HERPUD2: variants seen among roughly 807,000 people sequenced by gnomAD.
HERPUD2 encodes HERPUD family member 2.
HERPUD2 carries 13 observed loss-of-function variants against 49.9 expected under a neutral mutation model. That is an observed-to-expected ratio of 0.26 (90% CI 0.17 to 0.41). The LOEUF (loss-of-function observed/expected upper bound fraction) is 0.41. Ranked by LOEUF, HERPUD2 falls within the 10% of genes least tolerant of loss-of-function variation. HERPUD2 has a pLI of 1.00. For synonymous variants in HERPUD2, 172 were observed against 171.4 expected, an observed-to-expected ratio of 1.00 and a Z score of -0.03; for missense variants, 449 against 492.2, an observed-to-expected ratio of 0.91 and a Z score of 0.83.
intron 6 of HERPUD2, 126 bp downstream of exon 6, chr7:35,638,224 T>C (rs1784902375): frequency 4.6e-6 from 4 of 867,886 alleles, no homozygotes. Flanking sequence ...GAACCCTTTT[T>C]CCTTTAGTCA....
chr7:35,693,538 G>A (rs1033178452), intron 2 of HERPUD2, among the ~76,000 whole-genome samples: 2 of 151,986 alleles, frequency 1.3e-5, no homozygotes, highest in Admixed American at 6.6e-5. Flanking sequence ...GCTCTGATAC[G>A]GGTTGTAGTG....
intron 1 of HERPUD2, 21 bp from the exon 2 acceptor site, chr7:35,694,648 A>T: frequency 1.8e-5 from 6 of 329,434 alleles, no homozygotes; most frequent in East Asian, 6.0e-5. Flanking sequence ...GAAGGGTGGG[A>T]GGGATGAGGG....
chr7:35,635,211 G>A lies in HERPUD2; in HGVS notation c.865C>T (p.Leu289Phe). 6.2e-7 allele frequency: 1 copy of A among 1,614,144 alleles called. No individual in the cohort carries two copies. Among genetic ancestry groups the A allele is most frequent in the Non-Finnish European group, 8.5e-7 (1 of 1,180,000 alleles). ...GAATAGAAGTATACAATGCTAAGGA[G>A]AATCGCAGCTCGTGAGAACGTGTAC... Reference protein sequence around the residue: ...WMYTFSRAAILLSIVYFYSSF... With the variant: ...WMYTFSRAAIFLSIVYFYSSF... Residue 289 changes from leucine (L) to phenylalanine (F), a missense_variant, in exon 7 of 9, where the codon CTC becomes TTC. Leu to Phe is a conservative substitution (Grantham distance 22, BLOSUM62 0). Coordinates refer to ENST00000311350, the MANE Select transcript of HERPUD2 (RefSeq NM_022373.5).
chr7:35,675,675 C>T (rs1374046253), intron 2 of HERPUD2, among the ~76,000 whole-genome samples: 1 of 152,152 alleles, frequency 6.6e-6, no homozygotes, highest in Non-Finnish European at 1.5e-5. Context: ...TCTCAAGTAC[C>T]CAGCTTCAAC....
chr7:35,660,359 C>T (rs1583552769), intron 5 of HERPUD2, among the ~76,000 whole-genome samples: 1 of 152,056 alleles, frequency 6.6e-6, no homozygotes, highest in African/African-American at 2.4e-5. Context: ...TGTCTTTATA[C>T]CAGCATGATT....
Position 35,643,144 on chromosome 7 carries a change from T to C in HERPUD2, c.495-4672A>G, listed in dbSNP as rs116036911. On this transcript the variant is annotated intron_variant, in intron 5 of 8. Transcript: ENST00000311350. Reference sequence around the variant, plus strand: ...AGAGAGAAACTGGAGACAGGGACAATAGCTCATTAATTTTTTTAAAAATAG... The same window carrying C: ...AGAGAGAAACTGGAGACAGGGACAACAGCTCATTAATTTTTTTAAAAATAG... Among the ~76,000 whole-genome samples, 281 of 152,192 alleles carry C rather than the reference T, an allele frequency of 1.8e-3. 2 individuals carry two copies. The highest frequency in any genetic ancestry group is 6.1e-3 in the African/African-American group (252 of 41,518).
chr7:35,659,435 G>A (rs1195095731), intron 5 of HERPUD2, among the ~76,000 whole-genome samples: 1 of 152,128 alleles, frequency 6.6e-6, no homozygotes, highest in Non-Finnish European at 1.5e-5. Flanking sequence ...ATAAATGTTT[G>A]CTGAATGTAC....
chr7:35,683,328 C>A (rs1785956201), intron 2 of HERPUD2, among the ~76,000 whole-genome samples: 1 of 152,154 alleles, frequency 6.6e-6, no homozygotes. Flanking sequence ...GGAAAGGACA[C>A]CCTTTTCCAC....
chr7:35,693,144 C>G (rs922346031), intron 2 of HERPUD2, among the ~76,000 whole-genome samples: 3 of 152,198 alleles, frequency 2.0e-5, no homozygotes, highest in African/African-American at 7.2e-5. Flanking sequence ...CCTTTCAAAT[C>G]TGACTTTGGG....
At chr7:35,674,378 CCTATATATATAT>C (rs1396424963) in intron 2 of HERPUD2, among the ~76,000 whole-genome samples, 2 of 34,930 alleles carry the variant, frequency 5.7e-5, no homozygotes, top group South Asian at 1.8e-3. Flanking sequence ...AGTCTTACAA[CCTATATATATAT>C]ATATATATAT....
chr7:35,635,047 C>T lies in HERPUD2; in HGVS notation c.941+88G>A, dbSNP rs1784847329. 6 of 929,714 alleles carry T rather than the reference C, an allele frequency of 6.5e-6. No individual in the cohort carries two copies. The Admixed American group carries it at 9.5e-5, about 15-fold the overall frequency. 57.6% of individuals were successfully genotyped at this position (929,714 alleles called of 1,614,324 possible). ...AGCCCAGCATTCATATTCCTTCACT[C>T]AACATTCACAACAGACTACCCTACA... On this transcript the variant is annotated intron_variant, in intron 7 of 8. Coordinates refer to ENST00000311350, the MANE Select transcript of HERPUD2 (RefSeq NM_022373.5).
At chr7:35,652,790 G>C (rs1038387666) in intron 5 of HERPUD2, among the ~76,000 whole-genome samples, 1 of 151,958 alleles carries the variant, frequency 6.6e-6, no homozygotes, top group African/African-American at 2.4e-5. Flanking sequence ...CTTCATAAAT[G>C]AAGGAGAAAT....
At chr7:35,635,087 G>T (rs778600187) in intron 7 of HERPUD2, 48 bp downstream of exon 7, 3 of 1,390,196 alleles carry the variant, frequency 2.2e-6, no homozygotes, top group Admixed American at 3.4e-5. Context: ...ATTCTGTGCT[G>T]AACAGTTGCA....
intron 5 of HERPUD2, among the ~76,000 whole-genome samples, chr7:35,649,332 C>T (rs1785116833): frequency 6.6e-6 from 1 of 150,416 alleles, no homozygotes; most frequent in South Asian, 2.1e-4. Flanking sequence ...TTTAAGTTTA[C>T]AAAACAAACA....
chr7:35,672,829 T>C (rs868095397), intron 3 of HERPUD2, among the ~76,000 whole-genome samples: 2 of 152,052 alleles, frequency 1.3e-5, no homozygotes, highest in Non-Finnish European at 2.9e-5. Flanking sequence ...GCAATTTGTA[T>C]AAAAATATCA....
chr7:35,691,062 C>G (rs868847719), intron 2 of HERPUD2, among the ~76,000 whole-genome samples: 8 of 152,172 alleles, frequency 5.3e-5, no homozygotes, highest in Admixed American at 3.9e-4. Context: ...GTCACTGGAT[C>G]TGAGCTTCAC....
intron 2 of HERPUD2, among the ~76,000 whole-genome samples, chr7:35,682,925 C>CACAA (rs770981813): frequency 3.3e-5 from 5 of 151,376 alleles, no homozygotes; most frequent in Admixed American, 3.3e-4. Context: ...TCATAGACAA[C>CACAA]ACAAACAAAC....
Position 35,639,720 on chromosome 7 carries a change from G to GT in HERPUD2, c.495-1249dup, listed in dbSNP as rs1308751184. Among the ~76,000 whole-genome samples, 45 of 152,074 alleles carry GT rather than the reference G, an allele frequency of 3.0e-4. 1 individual carries two copies. The stretch of plus-strand genomic sequence containing the variant: ...GCTATAATTTTATATTCTAAAGACT[G>GT]TTTACACATACAATTGGTAATAATT... On this transcript the variant is annotated intron_variant, in intron 5 of 8. Transcript: ENST00000311350.
intron 5 of HERPUD2, among the ~76,000 whole-genome samples, chr7:35,648,924 C>A (rs1484249479): frequency 6.6e-6 from 1 of 152,140 alleles, no homozygotes; most frequent in African/African-American, 2.4e-5. Flanking sequence ...AATTAGTAAA[C>A]CTACATAAAG....
Sources: allele counts gnomAD v4.1 joint callset (sites outside exome capture counted in the v4.1 genomes callset), GRCh38; gene constraint gnomAD v4.1.1; transcripts MANE v1.5; gene names NCBI Gene and HGNC (gene_info 2026-07-23, HGNC 2026-07-21).